The following PTPRD variants were observed in gnomAD, a reference collection of about 807,000 sequenced individuals.
PTPRD encodes the protein receptor-type tyrosine-protein phosphatase delta.
PTPRD carries 34 observed loss-of-function variants against 214.5 expected under a neutral mutation model. The ratio of observed to expected loss-of-function variants is 0.16; its 90% confidence interval spans 0.12 to 0.21. PTPRD has a LOEUF of 0.21. Among genes scored for constraint, PTPRD ranks in the 10% least tolerant of loss-of-function variants. The pLI is 1.00. For synonymous variants in PTPRD, 1,128 were observed against 845.7 expected (o/e 1.33, Z -5.79); for missense variants, 2,545 against 2,398.7 (o/e 1.06, Z -1.27).
At chr9:8,567,867 C>G (rs1017683842) in intron 14 of PTPRD, among the ~76,000 whole-genome samples, 1 of 152,064 alleles carries the variant, frequency 6.6e-6, no homozygotes, top group Admixed American at 6.6e-5. Context: ...TCTTCAGATT[C>G]CAAGCCACAC....
At chr9:9,767,527 G>A (rs1050527960) in intron 5 of PTPRD, among the ~76,000 whole-genome samples, 4 of 151,922 alleles carry the variant, frequency 2.6e-5, no homozygotes, top group African/African-American at 9.7e-5. Flanking sequence ...TTCTAAATAT[G>A]TTCAGAAACT....
intron 11 of PTPRD, among the ~76,000 whole-genome samples, chr9:8,784,305 G>C (rs576372904): frequency 6.6e-6 from 1 of 152,138 alleles, no homozygotes; most frequent in African/African-American, 2.4e-5. Context: ...TTCTCTCAAG[G>C]TTCCCAGTTT....
intron 12 of PTPRD, among the ~76,000 whole-genome samples, chr9:8,659,402 C>A (rs1407830134): frequency 6.6e-6 from 1 of 152,170 alleles, no homozygotes; most frequent in Non-Finnish European, 1.5e-5. Flanking sequence ...ACTATCCCAT[C>A]AAGAGTCCTC....
At chr9:10,209,055 G>C (rs1047027363) in intron 3 of PTPRD, among the ~76,000 whole-genome samples, 1 of 152,294 alleles carries the variant, frequency 6.6e-6, no homozygotes, top group African/African-American at 2.4e-5. Flanking sequence ...TGGCTTCCAT[G>C]TTTAAGTTTT....
intron 8 of PTPRD, among the ~76,000 whole-genome samples, chr9:9,416,498 G>A (rs1321060640): frequency 6.6e-6 from 1 of 152,138 alleles, no homozygotes; most frequent in Non-Finnish European, 1.5e-5. Flanking sequence ...CGTGCTCGGT[G>A]AATGTTATTG....
At chr9:10,306,418 TATA>T (rs1031849089) in intron 3 of PTPRD, among the ~76,000 whole-genome samples, 1 of 151,940 alleles carries the variant, frequency 6.6e-6, no homozygotes, top group Non-Finnish European at 1.5e-5. Context: ...AAACTTAAAG[TATA>T]ATAATAATAA....
intron 11 of PTPRD, among the ~76,000 whole-genome samples, chr9:8,802,888 C>A (rs897172007): frequency 2.0e-5 from 3 of 151,844 alleles, no homozygotes; most frequent in African/African-American, 7.3e-5. Context: ...CACATCTCTA[C>A]AAAAAATTTA....
intron 5 of PTPRD, among the ~76,000 whole-genome samples, chr9:9,934,996 T>C (rs187689447): frequency 1.3e-5 from 2 of 152,268 alleles, no homozygotes; most frequent in East Asian, 1.9e-4. Context: ...TCTCAATAGA[T>C]ACAGAAAAGG....
intron 16 of PTPRD, 117 bp downstream of exon 16, chr9:8,527,228 T>A: frequency 9.4e-7 from 1 of 1,064,674 alleles, no homozygotes; most frequent in East Asian, 2.5e-5. Context: ...TACAGAGATC[T>A]GGTGTCTACA....
In PTPRD at chr9:8,338,908, C is replaced by G. The variant is rs748449554; in HGVS notation, c.5379+14G>C. ...TCAGCTAATGGTTAAGAGTTGAAGA[C>G]TGTGCCAACTTACCCTGGCATCTGT... On this transcript the variant is annotated intron_variant, in intron 43 of 45. Coordinates refer to ENST00000381196, the MANE Select transcript of PTPRD (RefSeq NM_002839.4). 6.3e-7 allele frequency: 1 copy of G among 1,599,410 alleles called. No homozygotes were observed. Among genetic ancestry groups the G allele is most frequent in the Admixed American group, 1.7e-5 (1 of 59,454 alleles).
intron 8 of PTPRD, among the ~76,000 whole-genome samples, chr9:9,482,461 C>A (rs1310033227): frequency 6.6e-6 from 1 of 152,016 alleles, no homozygotes; most frequent in Non-Finnish European, 1.5e-5. Flanking sequence ...ATCTTTGTAC[C>A]CACACATGCA....
chr9:9,025,626 ATC>A (rs2099584395), intron 10 of PTPRD, among the ~76,000 whole-genome samples: 4 of 151,990 alleles, frequency 2.6e-5, no homozygotes, highest in African/African-American at 9.7e-5. Context: ...ATGCTTTATA[ATC>A]TGTTCACTAT....
intron 4 of PTPRD, among the ~76,000 whole-genome samples, chr9:9,991,152 C>T (rs1397040880): frequency 4.6e-5 from 7 of 150,934 alleles, no homozygotes; most frequent in Non-Finnish European, 8.9e-5. Context: ...CAGGCTGATC[C>T]TGAACTCCTG....
intron 45 of PTPRD, among the ~76,000 whole-genome samples, chr9:8,318,805 T>C (rs1347409141): frequency 6.6e-6 from 1 of 152,068 alleles, no homozygotes; most frequent in Non-Finnish European, 1.5e-5. Flanking sequence ...GAAGCATTGT[T>C]GGAGAGATGG....
intron 10 of PTPRD, among the ~76,000 whole-genome samples, chr9:9,134,373 A>G (rs980514953): frequency 6.6e-6 from 1 of 152,018 alleles, no homozygotes; most frequent in Non-Finnish European, 1.5e-5. Flanking sequence ...GCGCCCGTAG[A>G]ATCATTCTTG....
At chr9:8,348,729 T>C (rs2074557250) in intron 39 of PTPRD, among the ~76,000 whole-genome samples, 1 of 152,190 alleles carries the variant, frequency 6.6e-6, no homozygotes, top group South Asian at 2.1e-4. Context: ...TGTTTTATGC[T>C]TTCCCACCTC....
chr9:10,148,212 T>C (rs1268082537), intron 3 of PTPRD, among the ~76,000 whole-genome samples: 1 of 152,188 alleles, frequency 6.6e-6, no homozygotes, highest in African/African-American at 2.4e-5. Flanking sequence ...TAATTCTTAG[T>C]AGCTTTCCGG....
At chr9:10,061,325 A>G (rs759834652) in intron 3 of PTPRD, among the ~76,000 whole-genome samples, 1 of 152,048 alleles carries the variant, frequency 6.6e-6, no homozygotes, top group Non-Finnish European at 1.5e-5. Flanking sequence ...AATAGAATGG[A>G]AAGGACCTAT....
chr9:10,140,193 C>T lies in PTPRD; in HGVS notation c.-544-106403G>A, dbSNP rs964061916. Among the ~76,000 whole-genome samples the T allele has an allele frequency of 2.0e-4, 31 of 151,518 alleles. 1 individual carries two copies. The highest frequency in any genetic ancestry group is 4.1e-4 in the Non-Finnish European group (28 of 67,878). On this transcript the variant is annotated intron_variant, in intron 3 of 45. Coordinates refer to ENST00000381196, the MANE Select transcript of PTPRD (RefSeq NM_002839.4). ...CTATGTCATATCCAGAATCTATAAA[C>T]CCCAATATCCAGAATCTATAAGAAA... is the stretch of plus-strand genomic sequence containing the variant.
Sources: gnomAD v4.1 joint callset for allele counts (sites outside exome capture counted in the v4.1 genomes callset) on GRCh38, gnomAD v4.1.1 for gene constraint, MANE v1.5 for transcripts, NCBI Gene and HGNC (gene_info 2026-07-23, HGNC 2026-07-21) for gene names.